Variants in POU6F2 observed in about 807,000 individuals in gnomAD.
The protein encoded by POU6F2 is POU class 6 homeobox 2, also known as POU domain, class 6, transcription factor 2.
A neutral mutation model predicts 71.3 loss-of-function variants in POU6F2; 31 were observed. The observed-to-expected ratio is 0.43, with a 90% CI of 0.33 to 0.59. POU6F2 has a LOEUF of 0.59. Ranked by LOEUF, POU6F2 falls within the 20% of genes least tolerant of loss-of-function variation. The pLI, the probability that POU6F2 is intolerant of heterozygous loss-of-function variation, is 0.04. For missense variants in POU6F2, 783 were observed against 856.8 expected (o/e 0.91, Z 1.07); for synonymous variants, 347 against 355.7 (o/e 0.98, Z 0.27).
At chr7:39,396,412 C>T (rs1787175275) in intron 5 of POU6F2, among the ~76,000 whole-genome samples, 1 of 152,178 alleles carries the variant, frequency 6.6e-6, no homozygotes, top group Non-Finnish European at 1.5e-5. Flanking sequence ...CAAGTGCTCC[C>T]AAGCTCCCTA....
At position 39,464,157 on chromosome 7, in the gene POU6F2, G is replaced by C; in HGVS notation, c.1659-25G>C. On this transcript the variant is annotated intron_variant, in intron 9 of 9. Transcript: ENST00000518318. The surrounding 1 kb of genome is among the most constrained non-coding windows in gnomAD (Gnocchi z 4.1). ...CTGGCAGAGGACTCAGTGTAAGACT[G>C]TTCTTTCTCAATTTTCCCCCCCAGA... The C allele has an allele frequency of 6.2e-7, 1 of 1,608,454 alleles. No individual in the cohort carries two copies. Among genetic ancestry groups the C allele is most frequent in the Non-Finnish European group, 8.5e-7 (1 of 1,176,800 alleles).
intron 4 of POU6F2, among the ~76,000 whole-genome samples, chr7:39,295,376 T>C (rs1784826600): frequency 6.6e-6 from 1 of 152,118 alleles, no homozygotes; most frequent in Non-Finnish European, 1.5e-5. Context: ...AGTACTTTGA[T>C]AGGCCGAGGC....
rs188394017 is a variant in POU6F2 at position 39,350,805 on chromosome 7, G to A, written c.972+10790G>A. On this transcript the variant is annotated intron_variant, in intron 5 of 9. Transcript: ENST00000518318. ...AGGGCCACTGGGCCTTGCCTGGCAG[G>A]TGACTGTCTCTCCCTCTTCTTGTCT... Among the ~76,000 whole-genome samples the A allele has an allele frequency of 2.2e-4, 33 of 152,328 alleles. No homozygotes were observed. In the East Asian group the frequency reaches 6.4e-3, roughly 29 times the overall value.
chr7:39,308,562 A>G lies in POU6F2; in HGVS notation c.599-31080A>G, dbSNP rs1785093580. Among the ~76,000 whole-genome samples the G allele has an allele frequency of 2.6e-5, 4 of 152,208 alleles. No homozygotes were observed. The South Asian group carries it at 8.3e-4, about 32-fold the overall frequency. On this transcript the variant is annotated intron_variant, in intron 4 of 9. Transcript: ENST00000518318. Reference sequence around the variant, plus strand: ...GAGTAAGAATTGAGCTCATGTCTCTAGGTAAAAATAACCTCAGAATTCCAA... The same window carrying G: ...GAGTAAGAATTGAGCTCATGTCTCTGGGTAAAAATAACCTCAGAATTCCAA...
chr7:39,161,160 T>A (rs925763180), intron 2 of POU6F2, among the ~76,000 whole-genome samples: 1 of 152,292 alleles, frequency 6.6e-6, no homozygotes, highest in African/African-American at 2.4e-5. Flanking sequence ...AGGCACCACC[T>A]ATTCCTAACT....
intron 7 of POU6F2, among the ~76,000 whole-genome samples, chr7:39,445,932 A>G (rs1009586242): frequency 1.3e-5 from 2 of 152,226 alleles, no homozygotes; most frequent in African/African-American, 4.8e-5. Context: ...CCACAGTAGC[A>G]GCATCACCTG....
At chr7:39,403,183 AACT>A (rs1234832988) in intron 5 of POU6F2, among the ~76,000 whole-genome samples, 3 of 152,216 alleles carry the variant, frequency 2.0e-5, no homozygotes, top group African/African-American at 7.2e-5. Flanking sequence ...ACTGGCATAA[AACT>A]ACTTCAAAAA....
intron 9 of POU6F2, among the ~76,000 whole-genome samples, chr7:39,463,063 G>A (rs1172342692): frequency 1.3e-5 from 2 of 152,196 alleles, no homozygotes; most frequent in Non-Finnish European, 2.9e-5. Flanking sequence ...TCAACAGCAT[G>A]GGACACTGTA....
Position 39,326,809 on chromosome 7 carries a change from A to G in POU6F2, c.599-12833A>G, listed in dbSNP as rs958045527. Among the ~76,000 whole-genome samples, 13 of 152,298 alleles carry G rather than the reference A, an allele frequency of 8.5e-5. 1 individual carries two copies. In the South Asian group the frequency reaches 1.2e-3, roughly 15 times the overall value. ...TCCTCACAGCTGAAAATCCATAACAATGATGCTTTCCCAGAGCCTGGGGAG... is the reference window on the plus strand; with the variant it reads ...TCCTCACAGCTGAAAATCCATAACAGTGATGCTTTCCCAGAGCCTGGGGAG... On this transcript the variant is annotated intron_variant, in intron 4 of 9. Coordinates refer to ENST00000518318, the MANE Select transcript of POU6F2 (RefSeq NM_001370959.1).
chr7:38,996,566 T>G (rs912183325), intron 1 of POU6F2, among the ~76,000 whole-genome samples: 7 of 152,168 alleles, frequency 4.6e-5, no homozygotes, highest in Non-Finnish European at 8.8e-5. Context: ...TTTTAGAGCA[T>G]TATCTACCTA....
intron 2 of POU6F2, among the ~76,000 whole-genome samples, chr7:39,195,749 A>C (rs1483374717): frequency 1.3e-5 from 2 of 152,034 alleles, no homozygotes; most frequent in Admixed American, 1.3e-4. Context: ...AGATATTAGA[A>C]CACAAATCAG....
intron 2 of POU6F2, among the ~76,000 whole-genome samples, chr7:39,107,088 A>C (rs933945441): frequency 1.4e-5 from 2 of 140,134 alleles, no homozygotes; most frequent in Non-Finnish European, 3.0e-5. Flanking sequence ...TCTGTTGCCC[A>C]GGCTGGAGTG....
intron 2 of POU6F2, among the ~76,000 whole-genome samples, chr7:39,125,118 A>T (rs988481237): frequency 2.0e-5 from 3 of 152,140 alleles, no homozygotes; most frequent in African/African-American, 4.8e-5. Context: ...ATTGCACTTT[A>T]ACTTGTATAG....
intron 6 of POU6F2, among the ~76,000 whole-genome samples, chr7:39,413,641 T>C (rs1434944822): frequency 6.6e-6 from 1 of 152,216 alleles, no homozygotes; most frequent in Non-Finnish European, 1.5e-5. Context: ...AAAAATTAAG[T>C]CACGTTGTGT....
chr7:39,205,837 G>A (rs1369122606), intron 3 of POU6F2, among the ~76,000 whole-genome samples: 3 of 152,126 alleles, frequency 2.0e-5, no homozygotes, highest in Non-Finnish European at 4.4e-5. Flanking sequence ...AAGGAACACT[G>A]CAGGGAATGG....
chr7:39,335,496 G>T (rs1785751443), intron 4 of POU6F2, among the ~76,000 whole-genome samples: 1 of 152,172 alleles, frequency 6.6e-6, no homozygotes, highest in African/African-American at 2.4e-5. Context: ...GCAGTCTTCT[G>T]TGGTCAAACC....
chr7:39,462,788 A>G (rs888214736), intron 9 of POU6F2, among the ~76,000 whole-genome samples: 2 of 152,232 alleles, frequency 1.3e-5, no homozygotes, highest in Non-Finnish European at 2.9e-5. Context: ...GGTTTTTCAA[A>G]AATAAACAAA....
At chr7:39,056,658 C>CTGTGTG (rs1225739580) in intron 1 of POU6F2, among the ~76,000 whole-genome samples, 6 of 127,680 alleles carry the variant, frequency 4.7e-5, no homozygotes, top group African/African-American at 1.5e-4. Context: ...TTCTCTCTCT[C>CTGTGTG]TCTCTGTGTG....
intron 5 of POU6F2, among the ~76,000 whole-genome samples, chr7:39,386,221 C>T (rs545815859): frequency 4.2e-4 from 64 of 152,246 alleles, no homozygotes; most frequent in African/African-American, 1.5e-3. Flanking sequence ...TGCACCATAG[C>T]TTGATTTCTC....
Sources: allele counts gnomAD v4.1 joint callset (sites outside exome capture counted in the v4.1 genomes callset), GRCh38; gene constraint gnomAD v4.1.1; non-coding constraint Gnocchi (gnomAD v3.1); transcripts MANE v1.5; gene names NCBI Gene and HGNC (gene_info 2026-07-23, HGNC 2026-07-21).